CAMTA1: variants seen among roughly 807,000 people sequenced by gnomAD.
CAMTA1 encodes the protein calmodulin binding transcription activator 1.
A neutral mutation model predicts 170.9 loss-of-function variants in CAMTA1; 27 were observed. The ratio of observed to expected loss-of-function variants is 0.16; its 90% CI spans 0.12 to 0.22. CAMTA1 has a LOEUF of 0.22. Ranked by LOEUF, CAMTA1 falls within the 10% of genes least tolerant of loss-of-function variation. The probability of loss-of-function intolerance (pLI) is 1.00; values close to 1 mark genes in which losing one functional copy is unlikely to be tolerated. For synonymous variants in CAMTA1, 833 were observed against 891.5 expected (o/e 0.93, Z 1.17); for missense variants, 1,619 against 2,217.2 (o/e 0.73, Z 5.42).
At position 6,887,455 on chromosome 1, in the gene CAMTA1, A is replaced by G. The variant is rs1026664744; in HGVS notation, c.234+62245A>G. On this transcript the variant is annotated intron_variant, in intron 3 of 22. Transcript: ENST00000303635. This position sits in a 1 kb window ranked among gnomAD's most constrained non-coding sequence, Gnocchi z 4.1. ...GTCAGACATATATGGTTGTATGTAC[A>G]TGTGTATAGTATGTGGGTGGGGGTA... 3.3e-5 allele frequency among the ~76,000 whole-genome samples: 5 copies of G among 152,200 alleles called. No individual in the cohort carries two copies. The highest frequency in any genetic ancestry group is 1.2e-4 in the African/African-American group (5 of 41,456).
intron 3 of CAMTA1, among the ~76,000 whole-genome samples, chr1:6,938,029 G>A (rs1571878996): frequency 1.3e-5 from 2 of 152,354 alleles, no homozygotes; most frequent in East Asian, 3.9e-4. Context: ...TTTTACAGAT[G>A]AGAAAACAGA....
intron 5 of CAMTA1, among the ~76,000 whole-genome samples, chr1:7,387,277 T>C (rs1056297058): frequency 2.0e-5 from 3 of 151,994 alleles, no homozygotes; most frequent in Non-Finnish European, 4.4e-5. Context: ...TTCACCACCA[T>C]TTCCACCACC....
At chr1:6,811,678 C>T (rs562882207) in intron 1 of CAMTA1, among the ~76,000 whole-genome samples, 1 of 152,328 alleles carries the variant, frequency 6.6e-6, no homozygotes, top group East Asian at 1.9e-4. Context: ...CGGAGAAACT[C>T]TTCTCACAGT....
At chr1:6,822,953 C>G (rs1426106108) in intron 2 of CAMTA1, among the ~76,000 whole-genome samples, 1 of 152,006 alleles carries the variant, frequency 6.6e-6, no homozygotes, top group Admixed American at 6.6e-5. Flanking sequence ...AAACTCTGCT[C>G]GTAAGTGTTC....
At chr1:7,725,436 G>T (rs2096678321) in intron 11 of CAMTA1, among the ~76,000 whole-genome samples, 2 of 152,226 alleles carry the variant, frequency 1.3e-5, no homozygotes, top group African/African-American at 4.8e-5. Context: ...GTATCGCCTG[G>T]TCTGAGTTGG....
chr1:7,525,849 C>T (rs1030246419), intron 6 of CAMTA1, among the ~76,000 whole-genome samples: 2 of 152,042 alleles, frequency 1.3e-5, no homozygotes, highest in African/African-American at 4.8e-5. Flanking sequence ...AGGCGGGCAG[C>T]TGCTCACGGT....
intron 4 of CAMTA1, among the ~76,000 whole-genome samples, chr1:7,149,511 G>T (rs551777438): frequency 2.2e-4 from 33 of 152,356 alleles, no homozygotes; most frequent in African/African-American, 7.7e-4. Flanking sequence ...TAACGGCCGT[G>T]TGGCCGCGGG....
chr1:7,276,915 A>G (rs916982798), intron 5 of CAMTA1, among the ~76,000 whole-genome samples: 1 of 152,234 alleles, frequency 6.6e-6, no homozygotes, highest in Non-Finnish European at 1.5e-5. Context: ...ATTTTCACAT[A>G]TTTGCAATGA....
intron 3 of CAMTA1, among the ~76,000 whole-genome samples, chr1:6,870,401 G>C (rs183558074): frequency 2.0e-5 from 3 of 151,960 alleles, no homozygotes; most frequent in African/African-American, 4.8e-5. Context: ...ACTAACACTC[G>C]GACCGAGTGC....
intron 4 of CAMTA1, among the ~76,000 whole-genome samples, chr1:7,150,333 C>T (rs1646500065): frequency 6.6e-6 from 1 of 152,142 alleles, no homozygotes; most frequent in South Asian, 2.1e-4. Flanking sequence ...AATGCTTCTC[C>T]AACTGGAGGA....
chr1:7,407,991 G>A (rs1310804185), intron 5 of CAMTA1, among the ~76,000 whole-genome samples: 1 of 152,170 alleles, frequency 6.6e-6, no homozygotes, highest in Admixed American at 6.5e-5. Flanking sequence ...AAACACCAAT[G>A]CAAGCAGAGA....
chr1:7,350,368 A>G (rs921224823), intron 5 of CAMTA1, among the ~76,000 whole-genome samples: 8 of 152,304 alleles, frequency 5.3e-5, no homozygotes, highest in East Asian at 1.9e-4. Flanking sequence ...GAGACCCTCT[A>G]TGTCCCTGAA....
intron 5 of CAMTA1, among the ~76,000 whole-genome samples, chr1:7,352,773 G>A (rs933322905): frequency 7.2e-5 from 11 of 152,178 alleles, no homozygotes; most frequent in African/African-American, 2.7e-4. Flanking sequence ...ACCTTTCCAA[G>A]TATCTCACCT....
At chr1:6,800,237 C>A (rs2148188755) in intron 1 of CAMTA1, among the ~76,000 whole-genome samples, 1 of 152,138 alleles carries the variant, frequency 6.6e-6, no homozygotes, top group South Asian at 2.1e-4. Context: ...GAGACCTTGT[C>A]TCTACTAAAA....
chr1:7,586,093 C>G (rs910600394), intron 6 of CAMTA1, among the ~76,000 whole-genome samples: 1 of 151,564 alleles, frequency 6.6e-6, no homozygotes, highest in Non-Finnish European at 1.5e-5. Flanking sequence ...ACCAGAGGAG[C>G]CTGGAGGAGG....
intron 4 of CAMTA1, among the ~76,000 whole-genome samples, chr1:7,164,597 T>C (rs1266985032): frequency 1.3e-5 from 2 of 152,244 alleles, no homozygotes; most frequent in Admixed American, 6.5e-5. Context: ...ATGTGCGGAA[T>C]TGGGCATCTG....
chr1:7,145,298 A>G (rs1646119246), intron 4 of CAMTA1, among the ~76,000 whole-genome samples: 1 of 152,228 alleles, frequency 6.6e-6, no homozygotes, highest in Non-Finnish European at 1.5e-5. Context: ...CTTGCATTAA[A>G]TAATGGTTTT....
intron 4 of CAMTA1, among the ~76,000 whole-genome samples, chr1:7,112,200 C>T (rs1644102666): frequency 6.6e-6 from 1 of 152,196 alleles, no homozygotes; most frequent in Non-Finnish European, 1.5e-5. Context: ...CTGGGCTGTC[C>T]TCTTTGGTCA....
At chr1:6,902,877 C>T (rs966826706) in intron 3 of CAMTA1, among the ~76,000 whole-genome samples, 1 of 152,142 alleles carries the variant, frequency 6.6e-6, no homozygotes, top group African/African-American at 2.4e-5. Context: ...ATGAAGTAGT[C>T]CAACCCCTTG....
Sources: gnomAD v4.1 joint callset for allele counts (sites outside exome capture counted in the v4.1 genomes callset) on GRCh38, gnomAD v4.1.1 for gene constraint, Gnocchi (gnomAD v3.1) non-coding constraint, MANE v1.5 for transcripts, NCBI Gene and HGNC (gene_info 2026-07-23, HGNC 2026-07-21) for gene names.